KCNIP1: variants seen among roughly 807,000 people sequenced by gnomAD.
KCNIP1 encodes potassium voltage-gated channel interacting protein 1.
A neutral mutation model predicts 33.0 loss-of-function variants in KCNIP1; 18 were observed. That is an observed-to-expected ratio of 0.55 (90% CI 0.38 to 0.81). KCNIP1 has a LOEUF of 0.81. Among genes scored for constraint, KCNIP1 ranks in the 30% least tolerant of loss-of-function variants. KCNIP1 has a pLI of 0.00. For synonymous variants in KCNIP1, 93 were observed against 98.3 expected, an observed-to-expected ratio of 0.95 and a Z score of 0.32; for missense variants, 238 against 271.6, an observed-to-expected ratio of 0.88 and a Z score of 0.87.
At chr5:170,596,641 T>C (rs950548566) in intron 1 of KCNIP1, among the ~76,000 whole-genome samples, 3 of 152,208 alleles carry the variant, frequency 2.0e-5, no homozygotes, top group Non-Finnish European at 4.4e-5. Flanking sequence ...GGCCAGTGCC[T>C]CGGCCATCTG....
chr5:170,732,769 C>T (rs1581559321), intron 5 of KCNIP1, 31 bp from the exon 6 acceptor site: 1 of 1,458,184 alleles, frequency 6.9e-7, no homozygotes, highest in Non-Finnish European at 9.6e-7. Flanking sequence ...TCATGGTTTC[C>T]ACACTGTGTG....
At chr5:170,522,223 C>G (rs867196444) in intron 1 of KCNIP1, among the ~76,000 whole-genome samples, 1 of 152,198 alleles carries the variant, frequency 6.6e-6, no homozygotes, top group African/African-American at 2.4e-5. Context: ...CCAGGGAAGC[C>G]CTGCCCTGAT....
At chr5:170,415,967 A>C (rs1434451453) in intron 1 of KCNIP1, among the ~76,000 whole-genome samples, 1 of 152,148 alleles carries the variant, frequency 6.6e-6, no homozygotes, top group Non-Finnish European at 1.5e-5. Flanking sequence ...GCCTTGTGGA[A>C]GGCTGCTGGG....
At chr5:170,572,234 A>G (rs1040486504) in intron 1 of KCNIP1, among the ~76,000 whole-genome samples, 3 of 152,218 alleles carry the variant, frequency 2.0e-5, no homozygotes, top group Admixed American at 6.5e-5. Flanking sequence ...AGCTGCCTCA[A>G]TTGAACACGC....
At chr5:170,584,622 G>A (rs1339274827) in intron 1 of KCNIP1, among the ~76,000 whole-genome samples, 3 of 152,150 alleles carry the variant, frequency 2.0e-5, no homozygotes, top group Non-Finnish European at 4.4e-5. Flanking sequence ...GCGTGGAGGG[G>A]TGCCCAGCCC....
intron 1 of KCNIP1, among the ~76,000 whole-genome samples, chr5:170,569,411 C>A (rs918895328): frequency 6.6e-6 from 1 of 152,262 alleles, no homozygotes. Flanking sequence ...TCACTCTGGG[C>A]AGGCCCGAAC....
chr5:170,451,497 C>T (rs1756249555), intron 1 of KCNIP1, among the ~76,000 whole-genome samples: 1 of 152,006 alleles, frequency 6.6e-6, no homozygotes, highest in Admixed American at 6.6e-5. Context: ...CCAATAAACC[C>T]AGCTCCGTTC....
chr5:170,393,107 G>A (rs1754654788), intron 1 of KCNIP1, among the ~76,000 whole-genome samples: 1 of 152,144 alleles, frequency 6.6e-6, no homozygotes, highest in Non-Finnish European at 1.5e-5. Context: ...ATGGAGCCTG[G>A]AGTGCACCTG....
chr5:170,520,716 T>C (rs1489125095), intron 1 of KCNIP1, among the ~76,000 whole-genome samples: 3 of 152,160 alleles, frequency 2.0e-5, no homozygotes, highest in African/African-American at 7.2e-5. Flanking sequence ...CTCCTCACTC[T>C]CGCCCACCAT....
chr5:170,453,868 G>T (rs1278156561), intron 1 of KCNIP1, among the ~76,000 whole-genome samples: 3 of 152,204 alleles, frequency 2.0e-5, no homozygotes, highest in Non-Finnish European at 2.9e-5. Context: ...TACACATACA[G>T]GAAATGAATT....
chr5:170,537,427 T>C (rs1367012694), intron 1 of KCNIP1, among the ~76,000 whole-genome samples: 1 of 152,232 alleles, frequency 6.6e-6, no homozygotes, highest in Non-Finnish European at 1.5e-5. Context: ...AGGCAAGTGA[T>C]GTCACCACTG....
At chr5:170,607,714 T>A (rs1220952326) in intron 1 of KCNIP1, among the ~76,000 whole-genome samples, 1 of 152,174 alleles carries the variant, frequency 6.6e-6, no homozygotes, top group African/African-American at 2.4e-5. Context: ...CTATTCACAC[T>A]GAAAGTGACA....
chr5:170,397,594 C>A (rs994654494), intron 1 of KCNIP1, among the ~76,000 whole-genome samples: 2 of 152,150 alleles, frequency 1.3e-5, no homozygotes, highest in African/African-American at 4.8e-5. Context: ...TAATTTGGAG[C>A]CCCAGGCTGG....
At chr5:170,355,982 A>G (rs1359736048) in intron 1 of KCNIP1, among the ~76,000 whole-genome samples, 1 of 152,174 alleles carries the variant, frequency 6.6e-6, no homozygotes, top group African/African-American at 2.4e-5. Context: ...GCTCTGCGCC[A>G]GGCACGTGCT....
intron 1 of KCNIP1, among the ~76,000 whole-genome samples, chr5:170,414,014 T>G (rs955950065): frequency 5.3e-5 from 8 of 151,432 alleles, no homozygotes; most frequent in African/African-American, 1.9e-4. Flanking sequence ...AGAAGGCAGA[T>G]ATGTCTCATC....
At chr5:170,696,932 C>A (rs951880008) in intron 1 of KCNIP1, among the ~76,000 whole-genome samples, 1 of 152,120 alleles carries the variant, frequency 6.6e-6, no homozygotes, top group Non-Finnish European at 1.5e-5. Flanking sequence ...CCCTAGAATG[C>A]ACATTTCCTT....
At chr5:170,367,417 G>GGAAA (rs1763715187) in intron 1 of KCNIP1, among the ~76,000 whole-genome samples, 1 of 99,064 alleles carries the variant, frequency 1.0e-5, no homozygotes, top group African/African-American at 4.1e-5. Context: ...AAGAAAGAAA[G>GGAAA]AAAGGAAAGA....
At chr5:170,552,693 C>A (rs1180401704) in intron 1 of KCNIP1, among the ~76,000 whole-genome samples, 3 of 152,164 alleles carry the variant, frequency 2.0e-5, no homozygotes. Flanking sequence ...CCGCACAGGG[C>A]CTTTGGGGCC....
At chr5:170,429,057 C>T (rs886121007) in intron 1 of KCNIP1, among the ~76,000 whole-genome samples, 10 of 152,134 alleles carry the variant, frequency 6.6e-5, no homozygotes, top group Admixed American at 5.2e-4. Context: ...CGCCACTGCA[C>T]TGCAGCCTGG....
Sources: allele counts gnomAD v4.1 joint callset (sites outside exome capture counted in the v4.1 genomes callset), GRCh38; gene constraint gnomAD v4.1.1; transcripts MANE v1.5; gene names NCBI Gene and HGNC (gene_info 2026-07-23, HGNC 2026-07-21).